Variants in LGR5 observed in about 807,000 individuals in gnomAD.
LGR5 encodes leucine rich repeat containing G protein-coupled receptor 5, also known as leucine-rich repeat-containing G protein-coupled receptor 5.
Under a neutral mutation model 76.7 loss-of-function variants are expected in LGR5, and 54 were observed. The observed-to-expected ratio is 0.70, with a 90% CI of 0.57 to 0.88. The LOEUF (loss-of-function observed/expected upper bound fraction) is 0.88, where lower values mean the gene tolerates loss of function less well. Ranked by LOEUF, LGR5 falls within the 40% of genes least tolerant of loss-of-function variation. The pLI is 0.00. For missense variants in LGR5, 1,078 were observed against 1,073.3 expected, an observed-to-expected ratio of 1.00 and a Z score of -0.06; for synonymous variants, 406 against 421.9, an observed-to-expected ratio of 0.96 and a Z score of 0.46.
chr12:71,479,790 C>A, intron 1 of LGR5, among the ~76,000 whole-genome samples: 1 of 151,992 alleles, frequency 6.6e-6, no homozygotes, highest in East Asian at 1.9e-4. Flanking sequence ...GTAGGAGGAA[C>A]TTCACAGTGG....
intron 1 of LGR5, among the ~76,000 whole-genome samples, chr12:71,466,447 AT>A (rs1872867366): frequency 6.6e-6 from 1 of 152,226 alleles, no homozygotes; most frequent in Non-Finnish European, 1.5e-5. Context: ...TGAGAATATC[AT>A]GTAAAGAAGT....
intron 17 of LGR5, 197 bp downstream of exon 17, chr12:71,582,736 G>C: frequency 1.9e-6 from 1 of 537,342 alleles, no homozygotes; most frequent in Non-Finnish European, 3.4e-6. Context: ...GGATTGAGGT[G>C]GGAGGACTTT....
chr12:71,539,592 C>T (rs1876773735), intron 4 of LGR5, among the ~76,000 whole-genome samples: 2 of 152,148 alleles, frequency 1.3e-5, no homozygotes, highest in South Asian at 4.1e-4. Flanking sequence ...ATTTTTCTGC[C>T]TCAGCCTCCT....
At chr12:71,504,413 T>C (rs7306975) in intron 1 of LGR5, among the ~76,000 whole-genome samples, 14,201 of 152,210 alleles carry the variant, frequency 0.093, 709 homozygotes, top group Non-Finnish European at 0.11. Flanking sequence ...CTAGGGTCTC[T>C]AATTTGATAG....
chr12:71,495,137 C>T (rs762807040), intron 1 of LGR5, among the ~76,000 whole-genome samples: 3 of 150,958 alleles, frequency 2.0e-5, no homozygotes, highest in Non-Finnish European at 4.4e-5. Flanking sequence ...ATCTAAAGCA[C>T]AGCAAAATTT....
intron 1 of LGR5, among the ~76,000 whole-genome samples, chr12:71,447,893 A>T (rs1872076886): frequency 6.6e-6 from 1 of 152,224 alleles, no homozygotes; most frequent in African/African-American, 2.4e-5. Context: ...GAACGCGTGC[A>T]TGGAGCTGAC....
intron 1 of LGR5, among the ~76,000 whole-genome samples, chr12:71,455,764 C>T (rs73331807): frequency 0.025 from 3,768 of 152,126 alleles, 163 homozygotes; most frequent in African/African-American, 0.086. Context: ...AATGACTGCA[C>T]GCTGTTGTTT....
At chr12:71,555,107 T>C (rs1182889865) in intron 5 of LGR5, among the ~76,000 whole-genome samples, 1 of 152,142 alleles carries the variant, frequency 6.6e-6, no homozygotes, top group Non-Finnish European at 1.5e-5. Flanking sequence ...ATATGCTGCA[T>C]GTAGAATATC....
chr12:71,498,009 CAGA>C (rs1250237283), intron 1 of LGR5, among the ~76,000 whole-genome samples: 1 of 151,864 alleles, frequency 6.6e-6, no homozygotes, highest in Admixed American at 6.6e-5. Flanking sequence ...AAACATACTT[CAGA>C]AGAAGAATAA....
rs769508678 is a variant in LGR5 at position 71,583,737 on chromosome 12, C to T, written c.1727C>T (p.Ala576Val). The change falls in exon 18 of 18, where the codon GCT becomes GTT. Residue 576 changes from alanine to valine, a missense_variant. Physicochemically the swap from Ala to Val is moderately conservative, Grantham distance 64 (BLOSUM62 0). Coordinates refer to ENST00000266674, the MANE Select transcript of LGR5 (RefSeq NM_003667.4). The part of the protein sequence containing the change: ...TIAVLALTCN[A>V]LVTSTVFRSP... ...GCAGTTCTGGCACTTACTTGTAATG[C>T]TTTGGTGACTTCAACAGTTTTCAGA... The T allele has an allele frequency of 3.7e-6, 6 of 1,614,132 alleles. No individual in the cohort carries two copies. The highest frequency in any genetic ancestry group is 5.1e-6 in the Non-Finnish European group (6 of 1,180,026).
chr12:71,554,815 T>C (rs1431015394), intron 5 of LGR5, among the ~76,000 whole-genome samples: 1 of 152,234 alleles, frequency 6.6e-6, no homozygotes, highest in Non-Finnish European at 1.5e-5. Flanking sequence ...ATTATTTTAG[T>C]AAATCCAAAA....
At chr12:71,555,775 A>G (rs1326465222) in intron 5 of LGR5, among the ~76,000 whole-genome samples, 1 of 152,198 alleles carries the variant, frequency 6.6e-6, no homozygotes, top group African/African-American at 2.4e-5. Flanking sequence ...GCAACTCCTC[A>G]AAGACCTAAA....
intron 15 of LGR5, 112 bp downstream of exon 15, chr12:71,579,041 T>C: frequency 1.0e-6 from 1 of 971,626 alleles, no homozygotes. Context: ...GAATTGCATT[T>C]CATGCCCTCA....
Position 71,584,818 on chromosome 12 carries a change from G to A in LGR5, c.*84G>A. 7.1e-7 allele frequency: 1 copy of A among 1,411,690 alleles called. No individual in the cohort carries two copies. The highest frequency in any genetic ancestry group is 9.6e-7 in the Non-Finnish European group (1 of 1,044,300). The allele number at this position is 1,411,690 out of a possible 1,614,324, so 87.4% of individuals were successfully genotyped here. A position where few individuals can be genotyped will look rare whatever the true frequency, so the allele number is the denominator to read the frequency against. ...ATATCAGAGCAGTAATTAATAAGAAGAGCTGAGGTGAAACTCGGTTTAAAA... is the reference window on the plus strand; with the variant it reads ...ATATCAGAGCAGTAATTAATAAGAAAAGCTGAGGTGAAACTCGGTTTAAAA... On this transcript the variant is annotated 3_prime_UTR_variant, in exon 18 of 18. Coordinates refer to ENST00000266674, the MANE Select transcript of LGR5 (RefSeq NM_003667.4).
chr12:71,539,363 C>CA (rs573494473), intron 4 of LGR5, among the ~76,000 whole-genome samples: 255 of 152,280 alleles, frequency 1.7e-3, no homozygotes, highest in Middle Eastern at 3.4e-3. Flanking sequence ...ACATTGCTGT[C>CA]AGGAAGAAAC....
intron 13 of LGR5, among the ~76,000 whole-genome samples, chr12:71,575,409 C>T (rs182618777): frequency 4.6e-5 from 7 of 152,140 alleles, no homozygotes; most frequent in Admixed American, 2.0e-4. Flanking sequence ...TATATACCCC[C>T]CAAAATGTAA....
intron 2 of LGR5, among the ~76,000 whole-genome samples, chr12:71,507,780 C>A (rs541069143): frequency 1.3e-5 from 2 of 151,960 alleles, no homozygotes; most frequent in African/African-American, 4.8e-5. Context: ...TGTGTTATGA[C>A]AATTAGGACA....
intron 4 of LGR5, among the ~76,000 whole-genome samples, chr12:71,539,260 G>C (rs60695217): frequency 0.02 from 3,015 of 152,264 alleles, 92 homozygotes; most frequent in African/African-American, 0.068. Flanking sequence ...GGTTGAAAAC[G>C]ACTGACGTAG....
chr12:71,566,080 A>G (rs1211919828), intron 8 of LGR5, among the ~76,000 whole-genome samples: 1 of 152,094 alleles, frequency 6.6e-6, no homozygotes, highest in African/African-American at 2.4e-5. Context: ...TTTGCCACTC[A>G]ATGGATATTC....
Sources: allele counts gnomAD v4.1 joint callset (sites outside exome capture counted in the v4.1 genomes callset), GRCh38; gene constraint gnomAD v4.1.1; transcripts MANE v1.5; gene names NCBI Gene and HGNC (gene_info 2026-07-23, HGNC 2026-07-21).